Variants in ASL observed in about 807,000 individuals in gnomAD.
The protein encoded by ASL is argininosuccinate lyase.
A neutral mutation model predicts 69.1 loss-of-function variants in ASL; 51 were observed. The ratio of observed to expected loss-of-function variants is 0.74; its 90% confidence interval spans 0.59 to 0.93. The LOEUF is 0.93. Among genes scored for constraint, ASL ranks in the 40% least tolerant of loss-of-function variants. The pLI is 0.00. For synonymous variants in ASL, 241 were observed against 247.6 expected, an observed-to-expected ratio of 0.97 and a Z score of 0.25; for missense variants, 540 against 623.9, an observed-to-expected ratio of 0.87 and a Z score of 1.43.
chr7:66,083,694 G>GA (rs1008093789), intron 6 of ASL, among the ~76,000 whole-genome samples: 112 of 138,224 alleles, frequency 8.1e-4, no homozygotes, highest in South Asian at 1.6e-3. Flanking sequence ...CAAAAAAAAA[G>GA]AAAAAAAAAA....
In ASL at chr7:66,088,873, T is replaced by G; in HGVS notation, c.785T>G (p.Leu262Arg). The G allele has an allele frequency of 6.2e-7, 1 of 1,614,108 alleles. No individual in the cohort carries two copies. Among genetic ancestry groups the G allele is most frequent in the Non-Finnish European group, 8.5e-7 (1 of 1,180,026 alleles). The change falls in exon 11 of 17, where the codon CTC becomes CGC. Residue 262 changes from leucine (L) to arginine (R), a missense_variant. Physicochemically the swap from Leu to Arg is moderately radical, Grantham distance 102. Transcript: ENST00000304874. ...AGCAGGATGGCCGAGGACCTCATCC[T>G]CTACTGCACCAAGGAATTCAGCTTC... ...HLSRMAEDLILYCTKEFSFVQ... is the reference protein window; with the variant it reads ...HLSRMAEDLIRYCTKEFSFVQ...
chr7:66,083,829 C>G (rs924076720), intron 6 of ASL, among the ~76,000 whole-genome samples: 2 of 152,212 alleles, frequency 1.3e-5, no homozygotes, highest in Non-Finnish European at 2.9e-5. Context: ...CCATCCTAAG[C>G]TTCGCCTCCC....
intron 10 of ASL, among the ~76,000 whole-genome samples, chr7:66,088,027 G>A (rs937782940): frequency 6.6e-6 from 1 of 151,580 alleles, no homozygotes; most frequent in Non-Finnish European, 1.5e-5. Context: ...CTGGGTGTGT[G>A]GTGGCAGGTG....
Position 66,093,182 on chromosome 7 carries a change from T to C in ASL, c.*270T>C. The C allele has an allele frequency of 1.8e-6, 1 of 542,098 alleles. No homozygotes were observed. The highest frequency in any genetic ancestry group is 3.4e-5 in the East Asian group (1 of 29,812). The allele number at this position is 542,098 out of a possible 1,614,324, so 33.6% of individuals were successfully genotyped here. A position where few individuals can be genotyped will look rare whatever the true frequency, so the allele number is the denominator to read the frequency against. The stretch of plus-strand genomic sequence containing the variant: ...TAATAAAACAAATAGCCTGGCGTGG[T>C]GGCCCATGCATATAGTCCCAGCTAC... On this transcript the variant is annotated 3_prime_UTR_variant, in exon 17 of 17. Transcript: ENST00000304874.
chr7:66,082,586 C>A, intron 4 of ASL, 135 bp downstream of exon 4: 1 of 1,053,584 alleles, frequency 9.5e-7, no homozygotes. Flanking sequence ...ATGAGCCAGG[C>A]ACCCTGGCTC....
chr7:66,087,261 T>TC, intron 8 of ASL, 73 bp from the exon 9 acceptor site: 2 of 1,344,168 alleles, frequency 1.5e-6, no homozygotes, highest in Non-Finnish European at 2.1e-6. Flanking sequence ...TGTGTGTGTG[T>TC]GTGTGTGTGT....
chr7:66,080,863 G>A (rs1786485125), intron 2 of ASL, among the ~76,000 whole-genome samples: 1 of 152,184 alleles, frequency 6.6e-6, no homozygotes, highest in Admixed American at 6.5e-5. Context: ...CCAAGGGAGT[G>A]GTAGGAATTG....
rs891477751 is a variant in ASL, at chr7:66,089,512, A to G, written c.979-100A>G. On this transcript the variant is annotated intron_variant, in intron 13 of 16. Transcript: ENST00000304874. ...TGTTGGGGTATTGAGTGTTCTTCCC[A>G]TGGAAGGCAGTGGGGATGCCTCAGT... is the stretch of plus-strand genomic sequence containing the variant. 9 of 1,331,428 alleles carry G rather than the reference A, an allele frequency of 6.8e-6. No homozygotes were observed. The African/African-American group carries it at 1.0e-4, about 15-fold the overall frequency. The allele number at this position is 1,331,428 out of a possible 1,614,324, so 82.5% of individuals were successfully genotyped here. A position where few individuals can be genotyped will look rare whatever the true frequency, so the allele number is the denominator to read the frequency against.
intron 6 of ASL, among the ~76,000 whole-genome samples, chr7:66,085,833 C>T (rs1786646958): frequency 6.6e-6 from 1 of 152,118 alleles, no homozygotes; most frequent in Non-Finnish European, 1.5e-5. Context: ...TGGTCTCGAT[C>T]TCCTGACCTT....
intron 11 of ASL, 57 bp downstream of exon 11, chr7:66,088,978 C>A: frequency 1.2e-6 from 2 of 1,607,790 alleles, no homozygotes; most frequent in South Asian, 1.1e-5. Flanking sequence ...TCCCCCGCCG[C>A]CCGCGGACGT....
chr7:66,086,712 G>T (rs375699210), intron 7 of ASL, 32 bp from the exon 8 acceptor site: 1 of 1,610,998 alleles, frequency 6.2e-7, no homozygotes, highest in South Asian at 1.1e-5. Flanking sequence ...GACCCCGGCT[G>T]CCCTGACCCT....
At chr7:66,082,281 C>CCTGGG in intron 3 of ASL, 87 bp from the exon 4 acceptor site, 11 of 1,381,392 alleles carry the variant, frequency 8.0e-6, no homozygotes, top group Non-Finnish European at 9.1e-6. Flanking sequence ...CAGTCAGTCA[C>CCTGGG]CAGGGATAGG....
chr7:66,092,020 C>G lies in ASL; in HGVS notation c.1077C>G (p.Asn359Lys), dbSNP rs372785881. Reference protein sequence around the residue: ...VISTLQIHQENMGQALSPDML... With the variant: ...VISTLQIHQEKMGQALSPDML... The stretch of plus-strand genomic sequence containing the variant: ...TGTGCCCCCAGATTCACCAAGAGAA[C>G]ATGGGACAGGCTCTCAGCCCCGACA... The change falls in exon 15 of 17, where the codon AAC becomes AAG. Residue 359 changes from asparagine to lysine, a missense_variant. Physicochemically the swap from Asn to Lys is moderately conservative, Grantham distance 94. Transcript: ENST00000304874. The G allele has an allele frequency of 1.9e-6, 3 of 1,613,624 alleles. No homozygotes were observed. Among genetic ancestry groups the G allele is most frequent in the Admixed American group, 3.3e-5 (2 of 60,000 alleles).
At position 66,086,836 on chromosome 7, in the gene ASL, AGTGCCCCGAG is replaced by A; in HGVS notation, c.602+17_602+26del. The A allele has an allele frequency of 6.4e-7, 1 of 1,562,632 alleles. No homozygotes were observed. Among genetic ancestry groups the A allele is most frequent in the Non-Finnish European group, 8.7e-7 (1 of 1,154,132 alleles). On this transcript the variant is annotated intron_variant, in intron 8 of 16. Transcript: ENST00000304874. The stretch of plus-strand genomic sequence containing the variant: ...CCCCTGGGGAGGTGGGTGAGGCTCC[AGTGCCCCGAG>A]GGCCTGGTGGGGGTGGCTGCTGCAT...
intron 6 of ASL, among the ~76,000 whole-genome samples, chr7:66,084,480 C>T (rs982866577): frequency 6.6e-6 from 1 of 151,898 alleles, no homozygotes; most frequent in South Asian, 2.1e-4. Context: ...AAATTTTTAA[C>T]TTTTTAAATT....
chr7:66,082,697 C>T (rs1239435111), intron 4 of ASL, among the ~76,000 whole-genome samples, 183 bp from the exon 5 acceptor site: 1 of 151,466 alleles, frequency 6.6e-6, no homozygotes, highest in Non-Finnish European at 1.5e-5. Flanking sequence ...CCCACAGCTA[C>T]AAAAATTAAA....
In ASL at chr7:66,082,894, A is replaced by G. The variant is rs192537483; in HGVS notation, c.306A>G (p.Ala102=). The G allele has an allele frequency of 1.2e-6, 2 of 1,613,692 alleles. No individual in the cohort carries two copies. The highest frequency in any genetic ancestry group is 1.7e-5 in the Admixed American group (1 of 59,980). ...TTCACCTCCAGGAGCTCATTGGTGCAACGGCAGGGAAGCTGCACACGGGAC... is the reference window on the plus strand; with the variant it reads ...TTCACCTCCAGGAGCTCATTGGTGCGACGGCAGGGAAGCTGCACACGGGAC... ...NERRLKELIG[A]TAGKLHTGRS... Residue 102 remains alanine, a synonymous_variant, in exon 5 of 17, where the codon GCA becomes GCG. Transcript: ENST00000304874.
rs184273225 is a variant in ASL, at chr7:66,083,778, C to T, written c.446+604C>T. Reference sequence around the variant, plus strand: ...ACAGCTAGCTTGGCTGTGCCTGGAGCAGCCAGAGTCACTCCCCACACTGCC... The same window carrying T: ...ACAGCTAGCTTGGCTGTGCCTGGAGTAGCCAGAGTCACTCCCCACACTGCC... On this transcript the variant is annotated intron_variant, in intron 6 of 16. Transcript: ENST00000304874. 4.7e-3 allele frequency among the ~76,000 whole-genome samples: 712 copies of T among 152,216 alleles called. 4 individuals are homozygous for T. The highest frequency in any genetic ancestry group is 0.022 in the South Asian group (108 of 4,818).
In ASL at chr7:66,092,585, C is replaced by A; in HGVS notation, c.1172C>A (p.Ser391Tyr). 6.2e-7 allele frequency: 1 copy of A among 1,611,788 alleles called. No homozygotes were observed. Among genetic ancestry groups the A allele is most frequent in the Non-Finnish European group, 8.5e-7 (1 of 1,180,014 alleles). ...GMPFRQAHEA[S>Y]GKAVFMAETK... Reference sequence around the variant, plus strand: ...CCATTCCGCCAGGCCCACGAGGCCTCCGGGAAAGCTGTGTTCATGGCCGAG... The same window carrying A: ...CCATTCCGCCAGGCCCACGAGGCCTACGGGAAAGCTGTGTTCATGGCCGAG... The change falls in exon 16 of 17, where the codon TCC becomes TAC. Residue 391 changes from serine to tyrosine, a missense_variant. Physicochemically the swap from Ser to Tyr is moderately radical, Grantham distance 144. Transcript: ENST00000304874.
Sources: allele counts gnomAD v4.1 joint callset (sites outside exome capture counted in the v4.1 genomes callset), GRCh38; gene constraint gnomAD v4.1.1; transcripts MANE v1.5; gene names NCBI Gene and HGNC (gene_info 2026-07-23, HGNC 2026-07-21).